Variants in RBFOX1 observed in about 807,000 individuals in gnomAD.
RBFOX1 encodes the protein RNA binding fox-1 homolog 1.
RBFOX1 carries 8 observed loss-of-function variants against 57.7 expected under a neutral mutation model. That is an observed-to-expected ratio of 0.14 (90% CI 0.08 to 0.25). RBFOX1 has a LOEUF of 0.25. RBFOX1 is among the 10% of genes least tolerant of loss of function. The pLI, the probability that RBFOX1 is intolerant of heterozygous loss-of-function variation, is 1.00. For synonymous variants in RBFOX1, 326 were observed against 222.4 expected (o/e 1.47, Z -4.15); for missense variants, 611 against 548.5 (o/e 1.11, Z -1.14).
At chr16:6,959,194 C>T (rs2082440194) in intron 3 of RBFOX1, among the ~76,000 whole-genome samples, 1 of 152,124 alleles carries the variant, frequency 6.6e-6, no homozygotes. Context: ...GAAATACTCG[C>T]TCGATTTCAG....
chr16:5,801,891 T>C (rs979111822), intron 3 of RBFOX1, among the ~76,000 whole-genome samples: 5 of 152,120 alleles, frequency 3.3e-5, no homozygotes, highest in African/African-American at 1.2e-4. Flanking sequence ...GGCAGCTCTA[T>C]ATTAGGTGAG....
In RBFOX1 at chr16:6,604,406, C is replaced by T. The variant is rs75071455; in HGVS notation, c.-63-50197C>T. 5.7e-3 allele frequency among the ~76,000 whole-genome samples: 873 copies of T among 152,174 alleles called. 9 individuals are homozygous for T. The highest frequency in any genetic ancestry group is 8.4e-3 in the Non-Finnish European group (569 of 68,010). On this transcript the variant is annotated intron_variant, in intron 2 of 15. Coordinates refer to ENST00000550418, the MANE Select transcript of RBFOX1 (RefSeq NM_018723.4). ...TGCCCAAGCAGGACTTACAGTCTTGCATTTAAGTGATCTTCCCATCTCAGC... is the reference window on the plus strand; with the variant it reads ...TGCCCAAGCAGGACTTACAGTCTTGTATTTAAGTGATCTTCCCATCTCAGC...
intron 3 of RBFOX1, among the ~76,000 whole-genome samples, chr16:6,842,124 C>T (rs957999617): frequency 6.7e-6 from 1 of 149,986 alleles, no homozygotes; most frequent in Non-Finnish European, 1.5e-5. Context: ...GCCTGGGTGA[C>T]AGAGCAAGAC....
At chr16:5,261,095 T>C (rs563420947) in intron 1 of RBFOX1, 37 of 152,346 alleles carry the variant, frequency 2.4e-4, no homozygotes, top group Admixed American at 2.0e-3. Flanking sequence ...CAAGAAGTTA[T>C]ATATTTAAAA....
intron 4 of RBFOX1, among the ~76,000 whole-genome samples, chr16:7,376,079 G>T (rs889063394): frequency 2.0e-5 from 3 of 152,140 alleles, no homozygotes; most frequent in African/African-American, 7.2e-5. Context: ...TTGTAAAAAA[G>T]GGAGTGTACA....
At chr16:6,520,257 AT>A (rs1397069458) in intron 2 of RBFOX1, among the ~76,000 whole-genome samples, 1 of 152,194 alleles carries the variant, frequency 6.6e-6, no homozygotes. Context: ...GCGATGTTGA[AT>A]TTTGATAGTA....
chr16:6,607,442 C>T (rs1162127235), intron 2 of RBFOX1, among the ~76,000 whole-genome samples: 1 of 148,776 alleles, frequency 6.7e-6, no homozygotes, highest in Non-Finnish European at 1.5e-5. Context: ...CTCTCGCTCT[C>T]TATCTCTCTT....
chr16:7,093,068 T>G (rs771588017), intron 4 of RBFOX1, among the ~76,000 whole-genome samples: 2 of 152,242 alleles, frequency 1.3e-5, no homozygotes, highest in African/African-American at 4.8e-5. Context: ...TTTCTGTGTT[T>G]CCTATGAGTG....
chr16:6,158,418 G>A (rs1339974400), intron 1 of RBFOX1, among the ~76,000 whole-genome samples: 1 of 152,138 alleles, frequency 6.6e-6, no homozygotes, highest in East Asian at 1.9e-4. Flanking sequence ...CAGTCTCGCC[G>A]TGCCTGTGAG....
At chr16:6,268,242 G>C (rs2074772776) in intron 1 of RBFOX1, among the ~76,000 whole-genome samples, 1 of 152,156 alleles carries the variant, frequency 6.6e-6, no homozygotes, top group Admixed American at 6.5e-5. Context: ...TGTGTCCCTA[G>C]ATTTACATCT....
intron 2 of RBFOX1, among the ~76,000 whole-genome samples, chr16:6,426,511 G>A (rs1474999058): frequency 3.9e-5 from 6 of 152,036 alleles, no homozygotes; most frequent in Non-Finnish European, 7.4e-5. Context: ...CACACCTGTC[G>A]TCCCAGCTAC....
chr16:6,828,730 A>G (rs1054439740), intron 3 of RBFOX1, among the ~76,000 whole-genome samples: 1 of 152,036 alleles, frequency 6.6e-6, no homozygotes, highest in African/African-American at 2.4e-5. Context: ...GTGACTTACC[A>G]TGTTAATGAG....
chr16:6,791,549 AG>A (rs2082945178), intron 3 of RBFOX1, among the ~76,000 whole-genome samples: 1 of 152,160 alleles, frequency 6.6e-6, no homozygotes, highest in Non-Finnish European at 1.5e-5. Context: ...TCTTGAGGTC[AG>A]GAGTTCGAAA....
At chr16:6,387,974 A>ATTTTTTT (rs61603572) in intron 2 of RBFOX1, among the ~76,000 whole-genome samples, 5 of 84,148 alleles carry the variant, frequency 5.9e-5, no homozygotes, top group Admixed American at 1.6e-4. Flanking sequence ...TTTGTGGAAC[A>ATTTTTTT]TTTTTTTTTT....
At chr16:6,181,617 A>G (rs904241015) in intron 1 of RBFOX1, among the ~76,000 whole-genome samples, 1 of 152,176 alleles carries the variant, frequency 6.6e-6, no homozygotes, top group Non-Finnish European at 1.5e-5. Context: ...ACCGTAGTCT[A>G]TTCCTGTGGT....
At chr16:5,417,616 C>A (rs1323484174) in intron 1 of RBFOX1, among the ~76,000 whole-genome samples, 1 of 152,190 alleles carries the variant, frequency 6.6e-6, no homozygotes, top group Non-Finnish European at 1.5e-5. Context: ...GGGCTGGTAT[C>A]AATGGGATAC....
chr16:7,340,339 C>T (rs2096869241), intron 4 of RBFOX1, among the ~76,000 whole-genome samples: 1 of 152,236 alleles, frequency 6.6e-6, no homozygotes, highest in African/African-American at 2.4e-5. Context: ...TCTTAATTAT[C>T]CTGATCACTT....
At chr16:7,403,020 A>G (rs146265963) in intron 4 of RBFOX1, among the ~76,000 whole-genome samples, 112 of 152,310 alleles carry the variant, frequency 7.4e-4, no homozygotes, top group Non-Finnish European at 1.3e-3. Context: ...CCCGTTCACG[A>G]TGCAGTTGTG....
At chr16:7,400,182 C>G (rs1159948811) in intron 4 of RBFOX1, among the ~76,000 whole-genome samples, 1 of 152,122 alleles carries the variant, frequency 6.6e-6, no homozygotes, top group African/African-American at 2.4e-5. Flanking sequence ...GCTAGAAGTT[C>G]TCAAATTTTG....
Sources: gnomAD v4.1 joint callset for allele counts (sites outside exome capture counted in the v4.1 genomes callset) on GRCh38, gnomAD v4.1.1 for gene constraint, MANE v1.5 for transcripts, NCBI Gene and HGNC (gene_info 2026-07-23, HGNC 2026-07-21) for gene names.